VPS13C: variants seen among roughly 807,000 people sequenced by gnomAD.
The protein encoded by VPS13C is intermembrane lipid transfer protein VPS13C.
VPS13C carries 358 observed loss-of-function variants against 456.8 expected under a neutral mutation model. That is an observed-to-expected ratio of 0.78 (90% CI 0.72 to 0.86). VPS13C has a LOEUF of 0.86. Among genes scored for constraint, VPS13C ranks in the 40% least tolerant of loss-of-function variants. The pLI is 0.00. For missense variants in VPS13C, 4,818 were observed against 4,385.4 expected (o/e 1.10, Z -2.79); for synonymous variants, 1,578 against 1,486.7 (o/e 1.06, Z -1.41).
At chr15:62,020,014 G>A (rs2047401055) in intron 9 of VPS13C, among the ~76,000 whole-genome samples, 1 of 150,484 alleles carries the variant, frequency 6.6e-6, no homozygotes, top group Admixed American at 6.7e-5. Context: ...ACTGTCTACT[G>A]TTAAAGACCA....
chr15:61,942,089 T>C, intron 45 of VPS13C, 22 bp from the exon 46 acceptor site: 4 of 1,522,992 alleles, frequency 2.6e-6, no homozygotes, highest in Non-Finnish European at 3.5e-6. Context: ...GACAGATATT[T>C]AGGGGAAAAA....
At chr15:61,897,532 C>T (rs747683153) in intron 66 of VPS13C, among the ~76,000 whole-genome samples, 19 of 151,914 alleles carry the variant, frequency 1.3e-4, no homozygotes, top group East Asian at 1.9e-4. Flanking sequence ...TGATATGAAG[C>T]GAGAAAGGAA....
At chr15:61,900,732 C>T (rs1445748306) in intron 66 of VPS13C, among the ~76,000 whole-genome samples, 5 of 151,554 alleles carry the variant, frequency 3.3e-5, no homozygotes, top group African/African-American at 9.7e-5. Context: ...CTACCAATGC[C>T]TTTCTTCACA....
chr15:62,007,784 A>T (rs1250638402), intron 14 of VPS13C, among the ~76,000 whole-genome samples: 1 of 152,210 alleles, frequency 6.6e-6, no homozygotes, highest in African/African-American at 2.4e-5. Flanking sequence ...TAAAACTTTT[A>T]TAAAAATGTT....
At chr15:61,967,057 T>C (rs2045398206) in intron 29 of VPS13C, among the ~76,000 whole-genome samples, 1 of 151,944 alleles carries the variant, frequency 6.6e-6, no homozygotes, top group South Asian at 2.1e-4. Context: ...TGCAGGATAC[T>C]CAGCCAAATG....
At chr15:61,901,997 C>T (rs904050384) in intron 66 of VPS13C, among the ~76,000 whole-genome samples, 4 of 151,340 alleles carry the variant, frequency 2.6e-5, no homozygotes, top group African/African-American at 7.3e-5. Context: ...TCATTCTCAG[C>T]AAACTATCAC....
In VPS13C at chr15:61,961,584, C is replaced by T. The variant is rs757216804; in HGVS notation, c.3908+5G>A. 2.6e-6 allele frequency: 4 copies of T among 1,545,980 alleles called. No homozygotes were observed. The African/African-American group carries it at 5.6e-5, about 21-fold the overall frequency. ...TTTAAATCCATAATTATTGAAAGAG[C>T]ATACCTATAAAGTGTAAGCTTTGTT... On this transcript the variant is annotated splice_donor_5th_base_variant and intron_variant, in intron 35 of 84. Coordinates refer to ENST00000644861, the MANE Select transcript of VPS13C (RefSeq NM_020821.3).
intron 5 of VPS13C, among the ~76,000 whole-genome samples, chr15:62,031,754 C>A (rs1031530003): frequency 2.0e-5 from 3 of 151,912 alleles, no homozygotes; most frequent in Non-Finnish European, 4.4e-5. Context: ...ATTAATACTA[C>A]AGATGTACAT....
At position 61,909,009 on chromosome 15, in the gene VPS13C, G is replaced by A. The variant is rs757708205; in HGVS notation, c.8961C>T (p.Ile2987=). ...ALIMNHTPWD[I]LTYKQSGSPE... is the part of the protein sequence containing the mutation. The stretch of plus-strand genomic sequence containing the variant: ...TCTCATACCTCTGTTTGTATGTGAG[G>A]ATGTCCCATGGTGTATGGTTCATTA... The change falls in exon 65 of 85, where the codon ATC becomes ATT. Residue 2987 remains isoleucine, a synonymous_variant. Transcript: ENST00000644861. The A allele has an allele frequency of 6.2e-7, 1 of 1,613,278 alleles. No individual in the cohort carries two copies.
intron 9 of VPS13C, among the ~76,000 whole-genome samples, chr15:62,017,572 G>A (rs1379866716): frequency 1.3e-5 from 2 of 152,104 alleles, no homozygotes; most frequent in African/African-American, 4.8e-5. Context: ...TTTTCGTCAG[G>A]TTTGTCAAAG....
chr15:61,900,357 G>A (rs1447095806), intron 66 of VPS13C, among the ~76,000 whole-genome samples: 1 of 152,196 alleles, frequency 6.6e-6, no homozygotes, highest in Non-Finnish European at 1.5e-5. Context: ...TGTATATTTA[G>A]AAAACCCCAC....
chr15:61,916,573 T>C (rs1027199266), intron 60 of VPS13C, among the ~76,000 whole-genome samples: 2 of 152,124 alleles, frequency 1.3e-5, no homozygotes, highest in African/African-American at 4.8e-5. Context: ...TTAATTCTTA[T>C]AAAATACTCA....
chr15:61,883,423 T>C (rs1047837267), intron 68 of VPS13C, among the ~76,000 whole-genome samples: 2 of 152,112 alleles, frequency 1.3e-5, no homozygotes, highest in African/African-American at 4.8e-5. Flanking sequence ...TTTTTTATCA[T>C]TTAAGTATGG....
At position 61,877,054 on chromosome 15, in the gene VPS13C, T is replaced by C. The variant is rs1230078198; in HGVS notation, c.10143A>G (p.Lys3381=). ...TLTDVDDLIF[K]LAYYEIRYQF... is the part of the protein sequence containing the mutation. ...GATATCGAATTTCATAATAAGCAAG[T>C]CTGGGAGGAGAAAAAGGAAAGATTC... Residue 3381 remains lysine (K), a splice_region_variant and synonymous_variant, in exon 75 of 85, where the codon AAA becomes AAG. Transcript: ENST00000644861. 4 of 1,598,532 alleles carry C rather than the reference T, an allele frequency of 2.5e-6. No individual in the cohort carries two copies. The South Asian group carries it at 3.4e-5, about 14-fold the overall frequency.
chr15:61,876,953 A>G lies in VPS13C; in HGVS notation c.10224+20T>C, dbSNP rs1223620776. The G allele has an allele frequency of 1.3e-6, 2 of 1,562,106 alleles. No homozygotes were observed. Among genetic ancestry groups the G allele is most frequent in the Non-Finnish European group, 1.8e-6 (2 of 1,139,780 alleles). On this transcript the variant is annotated intron_variant, in intron 75 of 84. Coordinates refer to ENST00000644861, the MANE Select transcript of VPS13C (RefSeq NM_020821.3). ...TTTTATGAAGTATATTCCTTATGAA[A>G]TACTATGATAGGAAATTACCTGTTC...
At chr15:61,954,883 G>A (rs2044933470) in intron 37 of VPS13C, among the ~76,000 whole-genome samples, 1 of 152,142 alleles carries the variant, frequency 6.6e-6, no homozygotes, top group Admixed American at 6.6e-5. Flanking sequence ...TTCAAGTAGA[G>A]CAAAGGACCT....
intron 15 of VPS13C, among the ~76,000 whole-genome samples, chr15:62,004,537 T>C (rs12442807): frequency 0.31 from 44,360 of 142,552 alleles, 8,106 homozygotes; most frequent in Non-Finnish European, 0.41. Context: ...CTGCTCTGAT[T>C]TTAGTTATTT....
In VPS13C at chr15:61,941,976, A is replaced by C. The variant is rs751903928; in HGVS notation, c.5240T>G (p.Leu1747Trp). Residue 1747 changes from leucine (L) to tryptophan (W), a missense_variant, in exon 46 of 85, where the codon TTG (leucine) becomes TGG (tryptophan). This residue lies in a region of VPS13C where 4,552 missense variants were observed against 4,130.6 expected (regional missense o/e 1.10). Coordinates refer to ENST00000644861, the MANE Select transcript of VPS13C (RefSeq NM_020821.3). ...CAAAAGGCGGAAACTCTTTTGAGCC[A>C]AGTCTTTCATGCTGGAAGCAGCTCT... ...AERAASSMKD[L>W]AQKSFRLLMD... 8.1e-6 allele frequency: 13 copies of C among 1,613,904 alleles called. No individual in the cohort carries two copies. In the South Asian group the frequency reaches 1.2e-4, roughly 15 times the overall value.
intron 66 of VPS13C, among the ~76,000 whole-genome samples, chr15:61,897,159 G>A (rs919598395): frequency 6.6e-6 from 1 of 152,164 alleles, no homozygotes; most frequent in African/African-American, 2.4e-5. Flanking sequence ...GGAAAAAACA[G>A]AACAGAAAAA....
Sources: gnomAD v4.1 joint callset for allele counts (sites outside exome capture counted in the v4.1 genomes callset) on GRCh38, gnomAD v4.1.1 for gene constraint, gnomAD v4.1.1 regional missense constraint, MANE v1.5 for transcripts, NCBI Gene and HGNC (gene_info 2026-07-23, HGNC 2026-07-21) for gene names.